The following CNTLN variants were observed in gnomAD, a reference collection of about 807,000 sequenced individuals.
CNTLN encodes the protein centlein, centrosomal protein.
In CNTLN, 212 loss-of-function variants were observed where a neutral mutation model predicts 180.0. That is an observed-to-expected ratio of 1.18 (90% CI 1.05 to 1.32). The LOEUF (loss-of-function observed/expected upper bound fraction) is 1.32, where lower values mean the gene tolerates loss of function less well. Ranked by LOEUF, CNTLN falls within the 40% of genes most tolerant of loss-of-function variation. CNTLN has a pLI of 0.00. For missense variants in CNTLN, 2,095 were observed against 1,610.9 expected, an observed-to-expected ratio of 1.30 and a Z score of -5.14; for synonymous variants, 722 against 563.1, an observed-to-expected ratio of 1.28 and a Z score of -3.99.
At chr9:17,399,826 A>G (rs1253089268) in intron 15 of CNTLN, among the ~76,000 whole-genome samples, 1 of 152,196 alleles carries the variant, frequency 6.6e-6, no homozygotes, top group African/African-American at 2.4e-5. Context: ...CCTTATCTCA[A>G]AAGACAGAGG....
intron 2 of CNTLN, among the ~76,000 whole-genome samples, chr9:17,215,147 A>G (rs186932996): frequency 1.3e-5 from 2 of 152,244 alleles, no homozygotes; most frequent in African/African-American, 4.8e-5. Context: ...TAGAATTTTC[A>G]GCTTTTCTGC....
At chr9:17,273,991 G>C in intron 6 of CNTLN, 125 bp downstream of exon 6, 1 of 753,246 alleles carries the variant, frequency 1.3e-6, no homozygotes, top group South Asian at 2.6e-5. Context: ...ATATATGTTT[G>C]TGCATTGAGA....
At position 17,262,831 on chromosome 9, in the gene CNTLN, T is replaced by A. The variant is rs1827103571; in HGVS notation, c.850-10902T>A. ...GCTTTTGCCAGTATGATCAGTATGA[T>A]GTTGGCTGTGGGTTTGTCGTAGATG... On this transcript the variant is annotated intron_variant, in intron 5 of 25. Transcript: ENST00000380647. Among the ~76,000 whole-genome samples the A allele has an allele frequency of 2.0e-5, 3 of 151,366 alleles. No homozygotes were observed. The South Asian group carries it at 6.2e-4, about 31-fold the overall frequency.
intron 9 of CNTLN, among the ~76,000 whole-genome samples, chr9:17,331,889 T>C (rs1279607073): frequency 6.6e-6 from 1 of 151,970 alleles, no homozygotes; most frequent in Admixed American, 6.6e-5. Flanking sequence ...AATTTAAAAA[T>C]GTATGACTTT....
intron 6 of CNTLN, among the ~76,000 whole-genome samples, chr9:17,278,586 A>G (rs2779773): frequency 0.49 from 74,560 of 151,762 alleles, 19,430 homozygotes; most frequent in South Asian, 0.69. Flanking sequence ...TTCCCATATA[A>G]TTTTCAAATG....
intron 5 of CNTLN, among the ~76,000 whole-genome samples, chr9:17,256,259 A>G (rs1826480397): frequency 6.6e-6 from 1 of 151,954 alleles, no homozygotes; most frequent in Non-Finnish European, 1.5e-5. Flanking sequence ...TTCTTTGGCT[A>G]CTGAGTAATC....
chr9:17,287,895 T>G (rs1034964409), intron 6 of CNTLN, among the ~76,000 whole-genome samples: 1 of 146,480 alleles, frequency 6.8e-6, no homozygotes, highest in South Asian at 2.2e-4. Flanking sequence ...GATTCTTCTC[T>G]CTTTTTTTCT....
intron 5 of CNTLN, among the ~76,000 whole-genome samples, chr9:17,269,631 T>C (rs35998538): frequency 0.26 from 38,816 of 152,106 alleles, 5,082 homozygotes; most frequent in South Asian, 0.36. Flanking sequence ...TCAGAAAAAA[T>C]ACTTTATATA....
At chr9:17,207,221 G>A (rs1012410375) in intron 2 of CNTLN, among the ~76,000 whole-genome samples, 15 of 152,044 alleles carry the variant, frequency 9.9e-5, no homozygotes, top group African/African-American at 1.9e-4. Context: ...ATATTAATTC[G>A]CTTTTTATAT....
intron 16 of CNTLN, among the ~76,000 whole-genome samples, chr9:17,412,818 G>C (rs573466377): frequency 2.0e-5 from 3 of 152,114 alleles, no homozygotes; most frequent in African/African-American, 7.2e-5. Context: ...GTATATTAAA[G>C]TTGCTGCCAT....
At chr9:17,294,178 G>A (rs544104022) in intron 6 of CNTLN, among the ~76,000 whole-genome samples, 1 of 152,068 alleles carries the variant, frequency 6.6e-6, no homozygotes, top group African/African-American at 2.4e-5. Context: ...CAAAGAGTGA[G>A]CAGCAGCAAG....
chr9:17,455,797 TGGG>T (rs1212443970), intron 18 of CNTLN, among the ~76,000 whole-genome samples: 1 of 28,612 alleles, frequency 3.5e-5, no homozygotes, highest in African/African-American at 8.1e-5. Flanking sequence ...CAGGCAGGTT[TGGG>T]GAGTGGCAGG....
At chr9:17,212,343 A>G (rs1450167326) in intron 2 of CNTLN, among the ~76,000 whole-genome samples, 4 of 152,120 alleles carry the variant, frequency 2.6e-5, no homozygotes, top group Non-Finnish European at 4.4e-5. Context: ...TTCTGTTTAT[A>G]TGCTGGATTA....
intron 7 of CNTLN, chr9:17,299,346 C>A: frequency 2.3e-6 from 1 of 427,786 alleles, no homozygotes; most frequent in Non-Finnish European, 3.1e-6. Context: ...TAGTGTTATT[C>A]TCATTTAATG....
chr9:17,179,632 T>A (rs1820995269), intron 2 of CNTLN, among the ~76,000 whole-genome samples: 1 of 152,216 alleles, frequency 6.6e-6, no homozygotes, highest in Non-Finnish European at 1.5e-5. Flanking sequence ...GAAAATAATA[T>A]ATATTTTGCT....
At position 17,235,652 on chromosome 9, in the gene CNTLN, C is replaced by A; in HGVS notation, c.535-6C>A. The A allele has an allele frequency of 6.4e-7, 1 of 1,555,066 alleles. No individual in the cohort carries two copies. Among genetic ancestry groups the A allele is most frequent in the Non-Finnish European group, 8.6e-7 (1 of 1,158,582 alleles). On this transcript the variant is annotated splice_polypyrimidine_tract_variant and splice_region_variant and intron_variant, in intron 3 of 25. Coordinates refer to ENST00000380647, the MANE Select transcript of CNTLN (RefSeq NM_017738.4). ...GCTCACCAGTAATTTAAATTTTTTT[C>A]CACAGAGAGAGTCAGTACTGAAACA...
intron 12 of CNTLN, among the ~76,000 whole-genome samples, chr9:17,348,232 AG>A (rs111363663): frequency 0.035 from 5,334 of 152,272 alleles, 242 homozygotes; most frequent in African/African-American, 0.1. Context: ...AAATTGCAAA[AG>A]CTTTACACCA....
At position 17,466,814 on chromosome 9, in the gene CNTLN, G is replaced by T. The variant is rs1352664476; in HGVS notation, c.3778G>T (p.Glu1260Ter). Residue 1260 changes from glutamate (E) to a stop codon, truncating the protein, a stop_gained, in exon 23 of 26, where the codon GAA (glutamate) becomes TAA (stop). Transcript: ENST00000380647. LOFTEE classifies it high-confidence loss of function. ...GCTTCAAGAATTAGCATTGCAAAGT[G>T]AACAGGTCCTAGAAGGTGCACAGAA... ...KQLQELALQS[E>*]QVLEGAQKTL... is the part of the protein sequence containing the mutation. The T allele has an allele frequency of 1.2e-6, 2 of 1,611,190 alleles. No individual in the cohort carries two copies. Among genetic ancestry groups the T allele is most frequent in the Non-Finnish European group, 1.7e-6 (2 of 1,178,008 alleles).
At chr9:17,238,311 C>T (rs150949006) in intron 5 of CNTLN, among the ~76,000 whole-genome samples, 4 of 152,256 alleles carry the variant, frequency 2.6e-5, no homozygotes, top group African/African-American at 9.6e-5. Context: ...GTTTTTCCCA[C>T]CCTAAAGTCT....
Sources: allele counts gnomAD v4.1 joint callset (sites outside exome capture counted in the v4.1 genomes callset), GRCh38; gene constraint gnomAD v4.1.1; transcripts MANE v1.5; gene names NCBI Gene and HGNC (gene_info 2026-07-23, HGNC 2026-07-21).